The following DLGAP2 variants were observed in gnomAD, a reference collection of about 807,000 sequenced individuals.
The protein encoded by DLGAP2 is DLG associated protein 2.
DLGAP2 carries 26 observed loss-of-function variants against 100.3 expected under a neutral mutation model. The observed-to-expected ratio is 0.26, with a 90% CI of 0.19 to 0.36. The LOEUF is 0.36. Ranked by LOEUF, DLGAP2 falls within the 10% of genes least tolerant of loss-of-function variation. The pLI is 1.00. For missense variants in DLGAP2, 1,858 were observed against 1,453.2 expected, an observed-to-expected ratio of 1.28 and a Z score of -4.53; for synonymous variants, 886 against 630.1, an observed-to-expected ratio of 1.41 and a Z score of -6.08.
At chr8:1,223,766 A>G (rs1798362504) in intron 2 of DLGAP2, among the ~76,000 whole-genome samples, 1 of 152,208 alleles carries the variant, frequency 6.6e-6, no homozygotes, top group African/African-American at 2.4e-5. Flanking sequence ...AAGTGGGATA[A>G]TCAACCTGTC....
chr8:1,241,515 A>G (rs1798796309), intron 2 of DLGAP2, among the ~76,000 whole-genome samples: 1 of 152,248 alleles, frequency 6.6e-6, no homozygotes, highest in Non-Finnish European at 1.5e-5. Context: ...CTATACGGGT[A>G]GTAGCCCTAC....
intron 3 of DLGAP2, among the ~76,000 whole-genome samples, chr8:1,462,758 G>T (rs1317930966): frequency 6.6e-6 from 1 of 152,204 alleles, no homozygotes; most frequent in Non-Finnish European, 1.5e-5. Context: ...CCCCCGCAGA[G>T]GCCAGGGATG....
Position 1,201,448 on chromosome 8 carries a change from G to A in DLGAP2, c.74-57403G>A, listed in dbSNP as rs572677625. Among the ~76,000 whole-genome samples, 3 of 152,300 alleles carry A rather than the reference G, an allele frequency of 2.0e-5. No individual in the cohort carries two copies. The East Asian group carries it at 5.8e-4, about 29-fold the overall frequency. On this transcript the variant is annotated intron_variant, in intron 2 of 14. Transcript: ENST00000637795. ...TTGGATGAAGACGCCGAGAGGACCTGGAAGGGGAGGAAGATTCTCCAGAGC... is the reference window on the plus strand; with the variant it reads ...TTGGATGAAGACGCCGAGAGGACCTAGAAGGGGAGGAAGATTCTCCAGAGC...
At chr8:825,902 G>C (rs1796677393) in intron 1 of DLGAP2, among the ~76,000 whole-genome samples, 1 of 152,108 alleles carries the variant, frequency 6.6e-6, no homozygotes, top group Non-Finnish European at 1.5e-5. Context: ...GTTGACTGTA[G>C]TCACCCTGAT....
At chr8:1,015,110 GTGTGAGACCAGGACAGACGA>G (rs1801418823) in intron 2 of DLGAP2, among the ~76,000 whole-genome samples, 9 of 22,418 alleles carry the variant, frequency 4.0e-4, no homozygotes, top group African/African-American at 9.8e-4. Flanking sequence ...CGCCTCCACT[GTGTGAGACCAGGACAGACGA>G]TGCCTCCACT....
At chr8:1,555,679 G>A (rs921428446) in intron 5 of DLGAP2, among the ~76,000 whole-genome samples, 4 of 152,212 alleles carry the variant, frequency 2.6e-5, no homozygotes, top group East Asian at 1.9e-4. Context: ...CCTGGGACTC[G>A]GTGTGTCATC....
intron 1 of DLGAP2, among the ~76,000 whole-genome samples, chr8:866,026 A>AT (rs1220219891): frequency 2.6e-5 from 4 of 152,140 alleles, no homozygotes; most frequent in African/African-American, 9.7e-5. Flanking sequence ...CTCTTTTTAA[A>AT]TTTTTTATGG....
intron 1 of DLGAP2, among the ~76,000 whole-genome samples, chr8:844,362 C>T (rs191087602): frequency 8.5e-5 from 13 of 152,230 alleles, no homozygotes; most frequent in African/African-American, 3.1e-4. Context: ...GAAGGGAGCA[C>T]AGCCTTCTGC....
chr8:867,451 T>C (rs1182906874), intron 1 of DLGAP2, among the ~76,000 whole-genome samples: 1 of 152,220 alleles, frequency 6.6e-6, no homozygotes, highest in African/African-American at 2.4e-5. Context: ...CAGGCGCTAA[T>C]CCTTGAGATG....
chr8:1,266,882 T>C (rs900865312), intron 3 of DLGAP2, among the ~76,000 whole-genome samples: 2 of 152,072 alleles, frequency 1.3e-5, no homozygotes, highest in Admixed American at 1.3e-4. Flanking sequence ...CATTAATGCG[T>C]TATCCCAGCA....
At chr8:757,595 C>T (rs1820953587) in intron 1 of DLGAP2, among the ~76,000 whole-genome samples, 2 of 152,210 alleles carry the variant, frequency 1.3e-5, no homozygotes, top group African/African-American at 4.8e-5. Context: ...CTGCTCACAG[C>T]AGTTGACGGA....
chr8:1,139,325 T>C (rs889686507), intron 2 of DLGAP2, among the ~76,000 whole-genome samples: 5 of 152,236 alleles, frequency 3.3e-5, no homozygotes, highest in Non-Finnish European at 7.3e-5. Flanking sequence ...GCTGCAGGGA[T>C]GCAATACCAT....
intron 6 of DLGAP2, chr8:1,619,846 C>G (rs1187224472): frequency 3.3e-5 from 5 of 152,204 alleles, no homozygotes; most frequent in Non-Finnish European, 7.3e-5. Context: ...AACACATGTG[C>G]TCCACTGTGC....
intron 2 of DLGAP2, among the ~76,000 whole-genome samples, chr8:1,071,690 A>G (rs1803435196): frequency 6.6e-6 from 1 of 152,206 alleles, no homozygotes; most frequent in Non-Finnish European, 1.5e-5. Flanking sequence ...ACAACTTGTT[A>G]GGATAACAGT....
At chr8:1,674,522 G>A (rs1236984429) in intron 10 of DLGAP2, among the ~76,000 whole-genome samples, 1 of 152,194 alleles carries the variant, frequency 6.6e-6, no homozygotes, top group Non-Finnish European at 1.5e-5. Context: ...TGGATTCCTA[G>A]AAATAGAATA....
At chr8:1,473,543 G>A (rs1162826019) in intron 3 of DLGAP2, among the ~76,000 whole-genome samples, 1 of 152,212 alleles carries the variant, frequency 6.6e-6, no homozygotes, top group Non-Finnish European at 1.5e-5. Flanking sequence ...TGGTTTCCAG[G>A]GGCTGGAGAC....
intron 1 of DLGAP2, among the ~76,000 whole-genome samples, chr8:788,936 G>A (rs779533859): frequency 6.6e-6 from 1 of 152,172 alleles, no homozygotes; most frequent in African/African-American, 2.4e-5. Flanking sequence ...GATGGTTCCT[G>A]TGCCCTCAAC....
chr8:1,267,361 C>G (rs1450877888), intron 3 of DLGAP2, among the ~76,000 whole-genome samples: 1 of 151,054 alleles, frequency 6.6e-6, no homozygotes, highest in East Asian at 1.9e-4. Context: ...AGGTCAGGAG[C>G]TTGAGACCAG....
At chr8:857,153 A>G (rs923810601) in intron 1 of DLGAP2, among the ~76,000 whole-genome samples, 5 of 152,224 alleles carry the variant, frequency 3.3e-5, no homozygotes, top group African/African-American at 7.2e-5. Flanking sequence ...GTGTGGAGCA[A>G]TGGGACCTCC....
Sources: allele counts gnomAD v4.1 joint callset (sites outside exome capture counted in the v4.1 genomes callset), GRCh38; gene constraint gnomAD v4.1.1; transcripts MANE v1.5; gene names NCBI Gene and HGNC (gene_info 2026-07-23, HGNC 2026-07-21).